Variants in RBM26 observed in about 807,000 individuals in gnomAD.
The protein encoded by RBM26 is RNA-binding protein 26.
Under a neutral mutation model 123.6 loss-of-function variants are expected in RBM26, and 30 were observed. That is an observed-to-expected ratio of 0.24 (90% confidence interval 0.18 to 0.33). The LOEUF (loss-of-function observed/expected upper bound fraction) is 0.33, where lower values mean the gene tolerates loss of function less well. RBM26 is among the 10% of genes least tolerant of loss of function. RBM26 has a pLI of 1.00. For synonymous variants in RBM26, 400 were observed against 404.4 expected (o/e 0.99, Z 0.13); for missense variants, 947 against 1,203.6 (o/e 0.79, Z 3.15).
intron 11 of RBM26, among the ~76,000 whole-genome samples, chr13:79,357,744 C>T (rs923518553): frequency 8.5e-5 from 13 of 152,074 alleles, no homozygotes; most frequent in Admixed American, 2.6e-4. Flanking sequence ...GTGTGATTAA[C>T]TTTGCTGTAG....
At chr13:79,355,176 C>T in intron 12 of RBM26, 44 bp downstream of exon 12, 3 of 1,578,898 alleles carry the variant, frequency 1.9e-6, no homozygotes, top group Non-Finnish European at 8.7e-7. Context: ...ATGCTAAGAG[C>T]TTTCTAAGAA....
At chr13:79,337,364 A>G (rs1482451467) in intron 18 of RBM26, 62 bp from the exon 19 acceptor site, 1 of 1,558,880 alleles carries the variant, frequency 6.4e-7, no homozygotes, top group African/African-American at 1.4e-5. Flanking sequence ...GCCAAGCATT[A>G]CACTCTGGCA....
chr13:79,327,806 GA>G (rs1228455985), intron 20 of RBM26, among the ~76,000 whole-genome samples: 1 of 152,016 alleles, frequency 6.6e-6, no homozygotes, highest in East Asian at 1.9e-4. Context: ...GATGAGGGTT[GA>G]AAAATTACCT....
At chr13:79,350,817 C>T (rs949951733) in intron 14 of RBM26, among the ~76,000 whole-genome samples, 10 of 151,878 alleles carry the variant, frequency 6.6e-5, no homozygotes, top group African/African-American at 2.2e-4. Flanking sequence ...TGAATCACTG[C>T]CCTGTAAGTA....
At chr13:79,322,680 G>T (rs1022674072) in intron 20 of RBM26, among the ~76,000 whole-genome samples, 5 of 151,244 alleles carry the variant, frequency 3.3e-5, no homozygotes, top group African/African-American at 1.2e-4. Flanking sequence ...ACTAGTAATT[G>T]CAAATTCCTT....
chr13:79,400,486 C>T (rs911193110), intron 1 of RBM26, among the ~76,000 whole-genome samples: 32 of 152,172 alleles, frequency 2.1e-4, no homozygotes, highest in Admixed American at 1.9e-3. Context: ...GCAGAGCCCT[C>T]GTGACCTAAT....
chr13:79,337,150 A>C lies in RBM26; in HGVS notation c.2685T>G (p.Ile895Met). The change falls in exon 19 of 22, where the codon ATT (isoleucine) becomes ATG (methionine). Residue 895 changes from isoleucine (I) to methionine (M), a missense_variant. By Grantham distance (10) the Ile-to-Met change is conservative. Coordinates refer to ENST00000438737, the MANE Select transcript of RBM26 (RefSeq NM_001366735.2). ...VVDHRPRALE[I>M]SAFTESDRED... ...CTCTATCGCTCTCCGTAAATGCAGAAATCTCCAATGCCCTGGGACGGTGAT... is the reference window on the plus strand; with the variant it reads ...CTCTATCGCTCTCCGTAAATGCAGACATCTCCAATGCCCTGGGACGGTGAT... 1 of 1,614,108 alleles carries C rather than the reference A, an allele frequency of 6.2e-7. No individual in the cohort carries two copies. Among genetic ancestry groups the C allele is most frequent in the South Asian group, 1.1e-5 (1 of 91,082 alleles).
chr13:79,365,903 C>A (rs1566467297), intron 8 of RBM26, 152 bp downstream of exon 8: 1 of 965,462 alleles, frequency 1.0e-6, no homozygotes, highest in East Asian at 2.6e-5. Context: ...TGAAAACATT[C>A]AAAACTGAGG....
chr13:79,336,930 T>C (rs936074371), intron 19 of RBM26, among the ~76,000 whole-genome samples, 172 bp downstream of exon 19: 1 of 152,232 alleles, frequency 6.6e-6, no homozygotes, highest in South Asian at 2.1e-4. Context: ...TAGATAATTA[T>C]ACAAATCCTA....
At chr13:79,315,303 G>C (rs1359517482), downstream of RBM26, among the ~76,000 whole-genome samples, 1 of 151,620 alleles carries the variant, frequency 6.6e-6, no homozygotes, top group East Asian at 1.9e-4. Context: ...CAGAGATGTG[G>C]GTAGGCAAAG....
intron 1 of RBM26, among the ~76,000 whole-genome samples, chr13:79,384,819 A>C (rs768135245): frequency 6.6e-5 from 10 of 152,218 alleles, no homozygotes; most frequent in Non-Finnish European, 1.3e-4. Flanking sequence ...CCCCCAACAC[A>C]CCCATAGTGT....
In RBM26 at chr13:79,354,529, C is replaced by T; in HGVS notation, c.1896G>A (p.Val632=). The stretch of plus-strand genomic sequence containing the variant: ...CCAGCCGCTCTTTGACTGACTGCTT[C>T]ACAACAGGCAAAATGGGCTGCTGGA... ...PLVQQPILPV[V]KQSVKERLGP... is the part of the protein sequence containing the mutation. Residue 632 remains valine, a synonymous_variant, in exon 13 of 22, where the codon GTG becomes GTA. Transcript: ENST00000438737. The T allele has an allele frequency of 1.2e-6, 2 of 1,607,698 alleles. No homozygotes were observed. The highest frequency in any genetic ancestry group is 2.2e-5 in the South Asian group (2 of 90,166).
intron 1 of RBM26, among the ~76,000 whole-genome samples, chr13:79,393,747 G>A (rs115746237): frequency 0.019 from 2,884 of 152,222 alleles, 97 homozygotes; most frequent in African/African-American, 0.066. Flanking sequence ...AAGGACCTTG[G>A]GGTCTGCACC....
intron 1 of RBM26, among the ~76,000 whole-genome samples, chr13:79,381,875 AG>A (rs67412717): frequency 0.29 from 44,567 of 151,944 alleles, 8,040 homozygotes; most frequent in Non-Finnish European, 0.41. Context: ...TTTGAAAGGC[AG>A]ATGACTTTTT....
chr13:79,401,932 C>CA (rs2079083291), intron 1 of RBM26, among the ~76,000 whole-genome samples: 1 of 152,006 alleles, frequency 6.6e-6, no homozygotes, highest in Admixed American at 6.6e-5. Flanking sequence ...CTACTCAACT[C>CA]ACAAAACCTC....
chr13:79,387,153 G>C (rs1198493701), intron 1 of RBM26, among the ~76,000 whole-genome samples: 1 of 151,930 alleles, frequency 6.6e-6, no homozygotes, highest in Non-Finnish European at 1.5e-5. Context: ...AGCAAACTAA[G>C]CTTCAGTTTT....
In RBM26 at chr13:79,378,803, A is replaced by G; in HGVS notation, c.176T>C (p.Val59Ala). 2 of 1,581,090 alleles carry G rather than the reference A, an allele frequency of 1.3e-6. No homozygotes were observed. The highest frequency in any genetic ancestry group is 1.7e-6 in the Non-Finnish European group (2 of 1,152,934). ...LKALCIDQLD[V>A]FLQKETQIFV... is the part of the protein sequence containing the mutation. Reference sequence around the variant, plus strand: ...AAAGATCTTACCTTTCTGAAGAAATACATCCAGCTGATCAATACATAATGC... The same window carrying G: ...AAAGATCTTACCTTTCTGAAGAAATGCATCCAGCTGATCAATACATAATGC... Residue 59 changes from valine (V) to alanine (A), a missense_variant, in exon 2 of 22, where the codon GTA becomes GCA. Around this residue, in one of 5 missense-constraint regions of RBM26, gnomAD observed 275 missense variants for 361.0 expected, o/e 0.76. Coordinates refer to ENST00000438737, the MANE Select transcript of RBM26 (RefSeq NM_001366735.2).
rs2074423945 is a variant in RBM26 at position 79,359,589 on chromosome 13, C to T, written c.1515G>A (p.Lys505=). The stretch of plus-strand genomic sequence containing the variant: ...GGCCACCTTACTTATCAAACCAAGT[C>T]TTCTTTGTAGGAACTCCAGGCTCTC... ...GSGEPGVPTK[K]TWFDKPNFNR... Residue 505 remains lysine (K), a synonymous_variant, in exon 10 of 22, where the codon AAG becomes AAA. Coordinates refer to ENST00000438737, the MANE Select transcript of RBM26 (RefSeq NM_001366735.2). 2 of 1,573,196 alleles carry T rather than the reference C, an allele frequency of 1.3e-6. No homozygotes were observed.
Position 79,359,806 on chromosome 13 carries a change from ATAAT to A in RBM26, c.1418-124_1418-121del, listed in dbSNP as rs774840997. The A allele has an allele frequency of 1.8e-3, 354 of 197,652 alleles. 2 individuals are homozygous for A. Among genetic ancestry groups the A allele is most frequent in the Middle Eastern group, 6.3e-3 (3 of 478 alleles). 12.2% of individuals were successfully genotyped at this position (197,652 alleles called of 1,614,324 possible). Reference sequence around the variant, plus strand: ...TTTGTCTAAATATATATATATATATATAATTTTTTTTTTAGAAGAAATAGAAATA... The same window carrying A: ...TTTGTCTAAATATATATATATATATATTTTTTTTTAGAAGAAATAGAAATA... On this transcript the variant is annotated intron_variant, in intron 9 of 21. Coordinates refer to ENST00000438737, the MANE Select transcript of RBM26 (RefSeq NM_001366735.2).
Sources: allele counts gnomAD v4.1 joint callset (sites outside exome capture counted in the v4.1 genomes callset), GRCh38; gene constraint gnomAD v4.1.1; regional missense constraint gnomAD v4.1.1; transcripts MANE v1.5; gene names NCBI Gene and HGNC (gene_info 2026-07-23, HGNC 2026-07-21).